Variants in PIK3R3 observed in about 807,000 individuals in gnomAD.
The protein encoded by PIK3R3 is phosphatidylinositol 3-kinase regulatory subunit gamma.
A neutral mutation model predicts 62.9 loss-of-function variants in PIK3R3; 64 were observed. The observed-to-expected ratio is 1.02, with a 90% CI of 0.83 to 1.25. PIK3R3 has a LOEUF of 1.25. Ranked by LOEUF, PIK3R3 falls within the 50% of genes most tolerant of loss-of-function variation. PIK3R3 has a pLI of 0.00. For synonymous variants in PIK3R3, 165 were observed against 189.0 expected (o/e 0.87, Z 1.04); for missense variants, 614 against 561.6 (o/e 1.09, Z -0.94).
intron 5 of PIK3R3, among the ~76,000 whole-genome samples, chr1:46,064,772 T>G (rs1047724984): frequency 1.3e-5 from 2 of 152,122 alleles, no homozygotes; most frequent in African/African-American, 4.8e-5. Flanking sequence ...GTGAGATGCA[T>G]ATACACAGTG....
At chr1:46,090,862 G>A (rs1472758378) in intron 1 of PIK3R3, among the ~76,000 whole-genome samples, 1 of 152,180 alleles carries the variant, frequency 6.6e-6, no homozygotes, top group Non-Finnish European at 1.5e-5. Context: ...ATCAGCCACA[G>A]TGGGAGTATT....
intron 1 of PIK3R3, among the ~76,000 whole-genome samples, chr1:46,124,755 C>A (rs1304908790): frequency 1.4e-5 from 2 of 140,932 alleles, no homozygotes; most frequent in African/African-American, 2.7e-5. Flanking sequence ...GAGCTCGCAC[C>A]ATTGCACTCC....
chr1:46,160,905 C>T, the PIK3R3 span, among the ~76,000 whole-genome samples: 2 of 152,014 alleles, frequency 1.3e-5, no homozygotes, highest in Non-Finnish European at 2.9e-5. Context: ...GAGACCGTAA[C>T]CAAAAGGAGG....
At chr1:46,142,008 G>C in the PIK3R3 span, among the ~76,000 whole-genome samples, 2 of 152,188 alleles carry the variant, frequency 1.3e-5, no homozygotes, top group African/African-American at 4.8e-5. Context: ...ACCTTCCACT[G>C]TCAGATCAGT....
the PIK3R3 span, among the ~76,000 whole-genome samples, chr1:46,145,366 CTT>C: frequency 0.029 from 1,397 of 47,580 alleles, 76 homozygotes; most frequent in East Asian, 0.22. Flanking sequence ...GGCTGGATAA[CTT>C]TTTAAAAAAA....
chr1:46,120,304 G>A (rs544105574), intron 1 of PIK3R3, among the ~76,000 whole-genome samples: 143 of 152,274 alleles, frequency 9.4e-4, no homozygotes, highest in African/African-American at 3.0e-3. Flanking sequence ...GTGGCTGGGC[G>A]CGGTGGCTCA....
chr1:46,127,068 C>T (rs868129423), intron 1 of PIK3R3, among the ~76,000 whole-genome samples: 5 of 151,588 alleles, frequency 3.3e-5, no homozygotes, highest in East Asian at 2.0e-4. Context: ...GGCACGGTGG[C>T]TCATGCCTGT....
chr1:46,101,952 G>A (rs1571499032), intron 1 of PIK3R3, among the ~76,000 whole-genome samples: 1 of 138,720 alleles, frequency 7.2e-6, no homozygotes, highest in Non-Finnish European at 1.6e-5. Context: ...AATTAACAAT[G>A]TAATGTATCA....
chr1:46,063,838 A>C (rs968847993), intron 5 of PIK3R3, among the ~76,000 whole-genome samples: 4 of 152,204 alleles, frequency 2.6e-5, no homozygotes, highest in African/African-American at 9.7e-5. Context: ...GCAGCATATA[A>C]ACAAGCTCTG....
chr1:46,061,167 A>C lies in PIK3R3; in HGVS notation c.764+762T>G, dbSNP rs1011228162. On this transcript the variant is annotated intron_variant, in intron 6 of 9. Transcript: ENST00000262741. Reference sequence around the variant, plus strand: ...AGGAACCTCAAACTCACTGGTTCCAACCCTAAACTCTCCTCATGTACTTCT... The same window carrying C: ...AGGAACCTCAAACTCACTGGTTCCACCCCTAAACTCTCCTCATGTACTTCT... Among the ~76,000 whole-genome samples the C allele has an allele frequency of 2.0e-5, 3 of 152,138 alleles. No homozygotes were observed. In the East Asian group the frequency reaches 5.8e-4, roughly 29 times the overall value.
At chr1:46,116,462 G>C (rs1452684731) in intron 1 of PIK3R3, among the ~76,000 whole-genome samples, 1 of 152,146 alleles carries the variant, frequency 6.6e-6, no homozygotes, top group East Asian at 1.9e-4. Flanking sequence ...AGGCTGCAGT[G>C]AGCTATGATC....
chr1:46,075,735 G>A (rs991435140), intron 3 of PIK3R3, among the ~76,000 whole-genome samples: 3 of 152,142 alleles, frequency 2.0e-5, no homozygotes, highest in African/African-American at 7.2e-5. Context: ...AAATATGAGG[G>A]GATTTATCAG....
intron 3 of PIK3R3, among the ~76,000 whole-genome samples, chr1:46,075,896 T>C (rs1243917008): frequency 6.6e-6 from 1 of 152,160 alleles, no homozygotes; most frequent in African/African-American, 2.4e-5. Flanking sequence ...CTGAAGGCCT[T>C]GAGAACCCAT....
intron 1 of PIK3R3, among the ~76,000 whole-genome samples, chr1:46,100,884 C>A (rs1652598364): frequency 6.6e-6 from 1 of 152,070 alleles, no homozygotes; most frequent in Non-Finnish European, 1.5e-5. Context: ...TAATGAGTAT[C>A]TTTTTAAAAA....
At chr1:46,140,660 T>G in the PIK3R3 span, among the ~76,000 whole-genome samples, 1 of 152,050 alleles carries the variant, frequency 6.6e-6, no homozygotes, top group Non-Finnish European at 1.5e-5. Flanking sequence ...TGGAGTGATA[T>G]ATCTATAAGG....
chr1:46,068,466 A>G (rs1274298418), intron 3 of PIK3R3, among the ~76,000 whole-genome samples: 2 of 152,198 alleles, frequency 1.3e-5, no homozygotes, highest in Non-Finnish European at 2.9e-5. Context: ...TTCTCAAGAT[A>G]GAACACAAAA....
At chr1:46,146,973 A>G in the PIK3R3 span, among the ~76,000 whole-genome samples, 2 of 152,184 alleles carry the variant, frequency 1.3e-5, no homozygotes, top group Non-Finnish European at 2.9e-5. Flanking sequence ...AGCCTCTACT[A>G]GAAGCAACCA....
intron 1 of PIK3R3, among the ~76,000 whole-genome samples, chr1:46,114,361 ATTG>A (rs1653994818): frequency 6.6e-6 from 1 of 152,308 alleles, no homozygotes; most frequent in Admixed American, 6.5e-5. Flanking sequence ...TTCAGTGGAC[ATTG>A]TTGTTATCTT....
intron 8 of PIK3R3, 108 bp downstream of exon 8, chr1:46,046,443 C>A: frequency 1.3e-6 from 1 of 781,692 alleles, no homozygotes; most frequent in Non-Finnish European, 2.2e-6. Context: ...GTTCTAGATT[C>A]AATGTCCTCA....
Sources: allele counts gnomAD v4.1 joint callset (sites outside exome capture counted in the v4.1 genomes callset), GRCh38; gene constraint gnomAD v4.1.1; transcripts MANE v1.5; gene names NCBI Gene and HGNC (gene_info 2026-07-23, HGNC 2026-07-21).